Variants in PTPRM observed in about 807,000 individuals in gnomAD.
PTPRM encodes the protein receptor-type tyrosine-protein phosphatase mu.
PTPRM carries 47 observed loss-of-function variants against 186.7 expected under a neutral mutation model. The ratio of observed to expected loss-of-function variants is 0.25; its 90% CI spans 0.20 to 0.32. PTPRM has a LOEUF of 0.32. Ranked by LOEUF, PTPRM falls within the 10% of genes least tolerant of loss-of-function variation. The pLI, the probability that PTPRM is intolerant of heterozygous loss-of-function variation, is 1.00. For synonymous variants in PTPRM, 668 were observed against 674.9 expected (o/e 0.99, Z 0.16); for missense variants, 1,494 against 1,865.0 (o/e 0.80, Z 3.66).
chr18:8,093,241 C>T (rs1035122898), intron 11 of PTPRM, among the ~76,000 whole-genome samples: 4 of 152,184 alleles, frequency 2.6e-5, no homozygotes, highest in South Asian at 2.1e-4. Context: ...CTCTTCTCCA[C>T]GCTAGGAGCC....
At chr18:7,703,160 T>C (rs973272909) in intron 1 of PTPRM, among the ~76,000 whole-genome samples, 1 of 151,912 alleles carries the variant, frequency 6.6e-6, no homozygotes, top group African/African-American at 2.4e-5. Flanking sequence ...TGGCTCTTTT[T>C]TGGTTCCATA....
At position 7,918,870 on chromosome 18, in the gene PTPRM, C is replaced by A. The variant is rs117791120; in HGVS notation, c.548-7698C>A. ...CTTACACAAAAATTCTTTGCCCAGA[C>A]CAATGTTCTGGAATGTTTCACCAGT... On this transcript the variant is annotated intron_variant, in intron 4 of 32. Coordinates refer to ENST00000580170, the MANE Select transcript of PTPRM (RefSeq NM_001105244.2). 9.7e-4 allele frequency among the ~76,000 whole-genome samples: 148 copies of A among 152,234 alleles called. 1 individual carries two copies. Among genetic ancestry groups the A allele is most frequent in the Non-Finnish European group, 1.9e-3 (127 of 68,004 alleles).
chr18:7,845,825 G>C (rs1000040974), intron 2 of PTPRM, among the ~76,000 whole-genome samples: 9 of 152,062 alleles, frequency 5.9e-5, no homozygotes, highest in Admixed American at 5.2e-4. Context: ...ACTCCAAGGT[G>C]CAGATTAGCA....
chr18:8,128,340 G>A (rs1404938000), intron 13 of PTPRM, among the ~76,000 whole-genome samples: 1 of 152,180 alleles, frequency 6.6e-6, no homozygotes, highest in Non-Finnish European at 1.5e-5. Context: ...GGCAGAGGGG[G>A]ATATCAGTGC....
At chr18:7,976,873 T>G (rs1438227093) in intron 7 of PTPRM, among the ~76,000 whole-genome samples, 1 of 152,132 alleles carries the variant, frequency 6.6e-6, no homozygotes, top group African/African-American at 2.4e-5. Context: ...TGTATTCGTT[T>G]GTTAAGTACT....
chr18:8,021,092 A>G (rs756786369), intron 7 of PTPRM, among the ~76,000 whole-genome samples: 6 of 152,118 alleles, frequency 3.9e-5, no homozygotes, highest in Non-Finnish European at 7.4e-5. Context: ...TTTAGAGCCT[A>G]GGGTCTTCTG....
intron 7 of PTPRM, among the ~76,000 whole-genome samples, chr18:8,014,173 A>G (rs988465920): frequency 1.3e-5 from 2 of 152,198 alleles, no homozygotes; most frequent in Non-Finnish European, 2.9e-5. Flanking sequence ...TTTAGAATAC[A>G]AAAAATTAAT....
intron 1 of PTPRM, among the ~76,000 whole-genome samples, chr18:7,757,456 A>G (rs16952509): frequency 0.08 from 12,160 of 152,286 alleles, 1,189 homozygotes; most frequent in African/African-American, 0.23. Flanking sequence ...GGAGAATGAC[A>G]TAATTCTGTG....
intron 11 of PTPRM, among the ~76,000 whole-genome samples, chr18:8,107,329 C>T (rs998860730): frequency 7.2e-5 from 11 of 152,188 alleles, no homozygotes; most frequent in African/African-American, 2.7e-4. Context: ...TTTTACAGAG[C>T]TTCTCAGCCT....
intron 23 of PTPRM, among the ~76,000 whole-genome samples, chr18:8,347,031 T>C (rs73382262): frequency 0.016 from 2,444 of 152,266 alleles, 81 homozygotes; most frequent in African/African-American, 0.056. Context: ...CTGAGAGGTA[T>C]AGTCCCATCT....
intron 32 of PTPRM, 99 bp downstream of exon 32, chr18:8,394,710 A>G: frequency 7.9e-7 from 1 of 1,269,282 alleles, no homozygotes; most frequent in Non-Finnish European, 1.0e-6. Context: ...GTAGAGGAAG[A>G]GACTCATTTT....
chr18:7,785,760 G>C (rs1436480067), intron 2 of PTPRM, among the ~76,000 whole-genome samples: 1 of 152,204 alleles, frequency 6.6e-6, no homozygotes, highest in African/African-American at 2.4e-5. Context: ...GTCATTACTG[G>C]AGAGGTTTAG....
intron 23 of PTPRM, among the ~76,000 whole-genome samples, chr18:8,353,023 A>T (rs964592532): frequency 1.1e-4 from 17 of 152,120 alleles, no homozygotes; most frequent in African/African-American, 4.1e-4. Flanking sequence ...CATTTTCTTT[A>T]TCCAGCCTAC....
chr18:8,023,019 G>A (rs977927912), intron 7 of PTPRM, among the ~76,000 whole-genome samples: 9 of 152,072 alleles, frequency 5.9e-5, no homozygotes, highest in Admixed American at 5.3e-4. Context: ...TCAGTCACCC[G>A]GTGGTTTACA....
intron 1 of PTPRM, among the ~76,000 whole-genome samples, chr18:7,736,465 G>A (rs938820119): frequency 3.3e-5 from 5 of 152,238 alleles, no homozygotes; most frequent in African/African-American, 9.6e-5. Flanking sequence ...GATTGTAGCA[G>A]GACTAGCTGC....
At chr18:7,632,356 A>G (rs1473995913) in intron 1 of PTPRM, among the ~76,000 whole-genome samples, 1 of 152,260 alleles carries the variant, frequency 6.6e-6, no homozygotes, top group African/African-American at 2.4e-5. Flanking sequence ...ATGTTGCGTA[A>G]TTGGCCTACA....
chr18:8,096,055 G>T (rs980410610), intron 11 of PTPRM, among the ~76,000 whole-genome samples: 2 of 152,082 alleles, frequency 1.3e-5, no homozygotes, highest in Non-Finnish European at 2.9e-5. Flanking sequence ...TTTGCTGTGG[G>T]CCTGTGTCCA....
At chr18:7,980,844 T>G (rs571852084) in intron 7 of PTPRM, among the ~76,000 whole-genome samples, 2 of 152,238 alleles carry the variant, frequency 1.3e-5, no homozygotes, top group East Asian at 3.9e-4. Flanking sequence ...CATGCTGAGA[T>G]TTCATGTGTT....
chr18:7,999,619 G>T (rs1307962052), intron 7 of PTPRM, among the ~76,000 whole-genome samples: 2 of 151,754 alleles, frequency 1.3e-5, no homozygotes, highest in Admixed American at 6.6e-5. Flanking sequence ...AAGGTATTAG[G>T]TTGGTGCAAA....
Sources: gnomAD v4.1 joint callset for allele counts (sites outside exome capture counted in the v4.1 genomes callset) on GRCh38, gnomAD v4.1.1 for gene constraint, MANE v1.5 for transcripts, NCBI Gene and HGNC (gene_info 2026-07-23, HGNC 2026-07-21) for gene names.